A2ML1: variants seen among roughly 807,000 people sequenced by gnomAD.
The protein encoded by A2ML1 is alpha-2-macroglobulin like 1, also known as alpha-2-macroglobulin-like protein 1.
In A2ML1, 161 loss-of-function variants were observed where a neutral mutation model predicts 181.9. The observed-to-expected ratio is 0.89, with a 90% confidence interval of 0.78 to 1.01. A2ML1 has a LOEUF of 1.01. Ranked by LOEUF, A2ML1 falls within the 50% of genes least tolerant of loss-of-function variation. The pLI, the probability that A2ML1 is intolerant of heterozygous loss-of-function variation, is 0.00. For synonymous variants in A2ML1, 663 were observed against 666.8 expected (o/e 0.99, Z 0.09); for missense variants, 1,670 against 1,768.1 (o/e 0.94, Z 1.00).
chr12:8,836,398 G>A (rs2136766683), intron 7 of A2ML1, 59 bp downstream of exon 7: 1 of 1,470,456 alleles, frequency 6.8e-7, no homozygotes. Flanking sequence ...GACATGATGA[G>A]GGGATGACAT....
intron 26 of A2ML1, 55 bp downstream of exon 26, chr12:8,858,157 C>T (rs1164539792): frequency 6.4e-7 from 1 of 1,567,366 alleles, no homozygotes; most frequent in Non-Finnish European, 8.6e-7. Flanking sequence ...GACCCCACAC[C>T]TCTGACCGAG....
chr12:8,887,450 A>G (rs1210704069), downstream of A2ML1, among the ~76,000 whole-genome samples: 2 of 152,238 alleles, frequency 1.3e-5, no homozygotes, highest in African/African-American at 4.8e-5. Context: ...ATGAGTCGCA[A>G]GACATGTTTT....
chr12:8,831,146 G>C (rs1204717047), intron 4 of A2ML1, among the ~76,000 whole-genome samples: 1 of 151,882 alleles, frequency 6.6e-6, no homozygotes, highest in African/African-American at 2.4e-5. Flanking sequence ...AGTTGTGGGG[G>C]GCGGGGGTCT....
intron 33 of A2ML1, 116 bp from the exon 34 acceptor site, chr12:8,874,309 C>T: frequency 1.3e-6 from 1 of 754,854 alleles, no homozygotes; most frequent in Non-Finnish European, 2.2e-6. Flanking sequence ...AGCCACCGTG[C>T]CTGGCGGGGC....
At chr12:8,874,858 C>A in intron 34 of A2ML1, 113 bp from the exon 35 acceptor site, 2 of 984,370 alleles carry the variant, frequency 2.0e-6, no homozygotes, top group Non-Finnish European at 3.1e-6. Context: ...TGAATATGCT[C>A]ATAACCTGTA....
At chr12:8,850,360 G>A (rs1365182139) in intron 18 of A2ML1, 86 bp downstream of exon 18, 4 of 1,000,860 alleles carry the variant, frequency 4.0e-6, no homozygotes, top group Middle Eastern at 3.2e-4. Flanking sequence ...TTAGGAGGGA[G>A]GATCACTTGA....
At chr12:8,875,134 T>G in intron 35 of A2ML1, 122 bp downstream of exon 35, 1 of 1,018,044 alleles carries the variant, frequency 9.8e-7, no homozygotes, top group South Asian at 1.5e-5. Context: ...TTGCCCAGGC[T>G]GGAGGGCAGT....
chr12:8,846,303 C>A, intron 14 of A2ML1, 81 bp downstream of exon 14: 1 of 1,513,732 alleles, frequency 6.6e-7, no homozygotes, highest in Non-Finnish European at 9.1e-7. Context: ...GGAAACAAGA[C>A]AAGTCAGGGA....
intron 33 of A2ML1, among the ~76,000 whole-genome samples, chr12:8,872,855 T>G (rs1944676218): frequency 1.3e-5 from 2 of 152,226 alleles, no homozygotes; most frequent in South Asian, 4.1e-4. Context: ...ATGGTGACAT[T>G]GTTTTGCATT....
chr12:8,854,195 G>GT lies in A2ML1; in HGVS notation c.2661dup (p.Val888CysfsTer8), dbSNP rs1171371768. The GT allele has an allele frequency of 2.0e-5, 33 of 1,609,820 alleles. No homozygotes were observed. The highest frequency in any genetic ancestry group is 2.6e-5 in the Non-Finnish European group (31 of 1,177,908). ...ATGAACCATGTGGGGGCCAGAAGGGGTTTGTTCCCCAAAAGGGCCGAAGTG... is the reference window on the plus strand; with the variant it reads ...ATGAACCATGTGGGGGCCAGAAGGGGTTTTGTTCCCCAAAAGGGCCGAAGTG... On this transcript the variant is annotated frameshift_variant, in exon 21 of 36. Coordinates refer to ENST00000299698, the MANE Select transcript of A2ML1 (RefSeq NM_144670.6). LOFTEE classifies it high-confidence loss of function.
At chr12:8,823,676 C>T (rs1388230832) in intron 2 of A2ML1, 44 bp from the exon 3 acceptor site, 2 of 1,591,066 alleles carry the variant, frequency 1.3e-6, no homozygotes, top group Non-Finnish European at 1.7e-6. Flanking sequence ...GATTCTGTTC[C>T]CCCAATCCCT....
chr12:8,841,394 C>G lies in A2ML1; in HGVS notation c.1106C>G (p.Ser369Cys). The G allele has an allele frequency of 1.2e-6, 2 of 1,614,136 alleles. No homozygotes were observed. Among genetic ancestry groups the G allele is most frequent in the Non-Finnish European group, 1.7e-6 (2 of 1,180,030 alleles). The change falls in exon 11 of 36, where the codon TCC (serine) becomes TGC (cysteine). Residue 369 changes from serine (S) to cysteine (C), a missense_variant. Physicochemically the swap from Ser to Cys is moderately radical, Grantham distance 112. Coordinates refer to ENST00000299698, the MANE Select transcript of A2ML1 (RefSeq NM_144670.6). The stretch of plus-strand genomic sequence containing the variant: ...ATAAGAGTTAGGGGCCATGATGACT[C>G]CTTCCTCAAGAACCATCTAGTGTTT... ...GKIRVRGHDD[S>C]FLKNHLVFLV...
rs1343366032 is a variant in A2ML1, at chr12:8,868,175, A to G, written c.3934-55A>G. ...TTGTAAGAAAAGTAGTTTGAACTGT[A>G]CAATCTTTAAAGTTCTTTCCAAGTC... On this transcript the variant is annotated intron_variant, in intron 30 of 35. Transcript: ENST00000299698. The G allele has an allele frequency of 3.7e-6, 6 of 1,612,094 alleles. No homozygotes were observed. In the African/African-American group the frequency reaches 5.4e-5, roughly 14 times the overall value.
At chr12:8,861,886 A>G (rs1592148128) in intron 28 of A2ML1, among the ~76,000 whole-genome samples, 1 of 152,252 alleles carries the variant, frequency 6.6e-6, no homozygotes, top group East Asian at 1.9e-4. Context: ...CAGCCTCCCG[A>G]GTAGATGGGA....
In A2ML1 at chr12:8,845,350, C is replaced by T. The variant is rs761176231; in HGVS notation, c.1477-92C>T. The T allele has an allele frequency of 3.4e-6, 5 of 1,467,822 alleles. No individual in the cohort carries two copies. The African/African-American group carries it at 4.2e-5, about 12-fold the overall frequency. 90.9% of individuals were successfully genotyped at this position (1,467,822 alleles called of 1,614,324 possible). On this transcript the variant is annotated intron_variant, in intron 12 of 35. Coordinates refer to ENST00000299698, the MANE Select transcript of A2ML1 (RefSeq NM_144670.6). The stretch of plus-strand genomic sequence containing the variant: ...CTCTGAACTGTGAAAGGAACCTCTC[C>T]TCATGAAGGGATGCAGAGATGCTCT...
Position 8,857,265 on chromosome 12 carries a change from G to C in A2ML1, c.2950G>C (p.Val984Leu). The change falls in exon 24 of 36, where the codon GTC becomes CTC. Residue 984 changes from valine to leucine, a missense_variant. Val to Leu is a conservative substitution (Grantham distance 32). Coordinates refer to ENST00000299698, the MANE Select transcript of A2ML1 (RefSeq NM_144670.6). Reference protein sequence around the residue: ...NMVLFAPIIYVLQYLEKAGLL... With the variant: ...NMVLFAPIIYLLQYLEKAGLL... ...GGTCTTGTTTGCTCCCATCATCTAT[G>C]TCTTGCAGTACCTGGAGAAGGCAGG... 2 of 1,613,802 alleles carry C rather than the reference G, an allele frequency of 1.2e-6. No homozygotes were observed. The highest frequency in any genetic ancestry group is 8.5e-7 in the Non-Finnish European group (1 of 1,180,026).
chr12:8,865,645 T>C (rs578155064), intron 29 of A2ML1, among the ~76,000 whole-genome samples: 1 of 152,200 alleles, frequency 6.6e-6, no homozygotes, highest in Non-Finnish European at 1.5e-5. Context: ...AACATTGGAC[T>C]TGAAGAGATC....
At chr12:8,825,730 G>T (rs1942907236) in intron 3 of A2ML1, among the ~76,000 whole-genome samples, 1 of 135,856 alleles carries the variant, frequency 7.4e-6, no homozygotes, top group East Asian at 1.9e-4. Flanking sequence ...ATAGATTGAG[G>T]TATTAGATTT....
intron 32 of A2ML1, 147 bp from the exon 33 acceptor site, chr12:8,868,988 T>C (rs1051890257): frequency 5.4e-6 from 4 of 736,870 alleles, no homozygotes; most frequent in Non-Finnish European, 9.2e-6. Flanking sequence ...AGCAGATATA[T>C]GACATGCAAC....
Sources: gnomAD v4.1 joint callset for allele counts (sites outside exome capture counted in the v4.1 genomes callset) on GRCh38, gnomAD v4.1.1 for gene constraint, MANE v1.5 for transcripts, NCBI Gene and HGNC (gene_info 2026-07-23, HGNC 2026-07-21) for gene names.